Variants in EMCN observed in about 807,000 individuals in gnomAD.
The protein encoded by EMCN is endomucin, also known as MUC-14.
Under a neutral mutation model 38.4 loss-of-function variants are expected in EMCN, and 37 were observed. The observed-to-expected ratio is 0.96, with a 90% CI of 0.74 to 1.27. The LOEUF (loss-of-function observed/expected upper bound fraction) is 1.27, where lower values mean the gene tolerates loss of function less well. Ranked by LOEUF, EMCN falls within the 50% of genes most tolerant of loss-of-function variation. The pLI is 0.00. For missense variants in EMCN, 318 were observed against 302.8 expected, an observed-to-expected ratio of 1.05 and a Z score of -0.37; for synonymous variants, 95 against 100.8, an observed-to-expected ratio of 0.94 and a Z score of 0.35.
chr4:100,500,880 CT>C (rs1489749423), intron 1 of EMCN, among the ~76,000 whole-genome samples: 1 of 151,844 alleles, frequency 6.6e-6, no homozygotes, highest in Non-Finnish European at 1.5e-5. Flanking sequence ...AAGGAAAGTA[CT>C]TACTTAAGTC....
intron 1 of EMCN, among the ~76,000 whole-genome samples, chr4:100,507,435 A>C (rs1729512646): frequency 6.6e-6 from 1 of 152,174 alleles, no homozygotes; most frequent in South Asian, 2.1e-4. Flanking sequence ...CTAGACTCTA[A>C]CACTTTCCTA....
intron 1 of EMCN, among the ~76,000 whole-genome samples, chr4:100,493,824 C>G (rs1213684067): frequency 6.6e-6 from 1 of 152,150 alleles, no homozygotes. Context: ...TAAATTCACT[C>G]AAGTCTTCAT....
Position 100,442,694 on chromosome 4 carries a change from C to A in EMCN, c.415+4839G>T, listed in dbSNP as rs577927672. Among the ~76,000 whole-genome samples the A allele has an allele frequency of 2.0e-5, 3 of 152,022 alleles. No individual in the cohort carries two copies. The South Asian group carries it at 6.2e-4, about 32-fold the overall frequency. ...AATTTTTTATTTCATTGATTGAATT[C>A]TTCAGCTTCAAGATTTCTGTTTGGT... On this transcript the variant is annotated intron_variant, in intron 5 of 11. Coordinates refer to ENST00000296420, the MANE Select transcript of EMCN (RefSeq NM_016242.4).
chr4:100,436,229 A>G (rs1337077653), intron 5 of EMCN, among the ~76,000 whole-genome samples: 5 of 152,248 alleles, frequency 3.3e-5, no homozygotes, highest in African/African-American at 1.2e-4. Flanking sequence ...GCTTCTCAAA[A>G]GAAGACATTC....
At chr4:100,500,836 C>T (rs940641051) in intron 1 of EMCN, among the ~76,000 whole-genome samples, 1 of 152,004 alleles carries the variant, frequency 6.6e-6, no homozygotes, top group Non-Finnish European at 1.5e-5. Flanking sequence ...AAAAGTTCTG[C>T]TAAAAACATA....
chr4:100,403,243 C>T (rs111558569), intron 11 of EMCN, among the ~76,000 whole-genome samples: 3,335 of 152,086 alleles, frequency 0.022, 129 homozygotes, highest in African/African-American at 0.076. Context: ...TCTTGTTCCC[C>T]GCTTTGTGCC....
At chr4:100,412,087 AT>A (rs1726578836) in intron 10 of EMCN, among the ~76,000 whole-genome samples, 1 of 152,148 alleles carries the variant, frequency 6.6e-6, no homozygotes, top group African/African-American at 2.4e-5. Flanking sequence ...TGTAATTACC[AT>A]TAGAGGGGTA....
chr4:100,400,047 G>A (rs1454413622), intron 11 of EMCN, among the ~76,000 whole-genome samples: 3 of 151,986 alleles, frequency 2.0e-5, no homozygotes, highest in African/African-American at 7.3e-5. Flanking sequence ...GATTTATCTT[G>A]GGAAACAAGG....
chr4:100,480,064 T>A, intron 1 of EMCN, 25 bp from the exon 2 acceptor site: 2 of 1,597,112 alleles, frequency 1.3e-6, no homozygotes, highest in Non-Finnish European at 1.7e-6. Context: ...GTAGTTGCAT[T>A]AACATTTACA....
chr4:100,484,095 C>G (rs1369935488), intron 1 of EMCN, among the ~76,000 whole-genome samples: 4 of 152,106 alleles, frequency 2.6e-5, no homozygotes, highest in African/African-American at 9.7e-5. Context: ...TCCTGTACTA[C>G]AAAGGATGAA....
intron 11 of EMCN, among the ~76,000 whole-genome samples, chr4:100,403,746 A>G (rs1282690230): frequency 6.6e-6 from 1 of 151,894 alleles, no homozygotes; most frequent in African/African-American, 2.4e-5. Context: ...TGACTTCTTG[A>G]CTTTTTAATG....
intron 5 of EMCN, among the ~76,000 whole-genome samples, chr4:100,442,989 A>G (rs1271784785): frequency 6.6e-6 from 1 of 152,162 alleles, no homozygotes; most frequent in Non-Finnish European, 1.5e-5. Context: ...AGCTGGCATT[A>G]CAGGTGTGTG....
chr4:100,442,369 G>A (rs1727546487), intron 5 of EMCN, among the ~76,000 whole-genome samples: 1 of 152,156 alleles, frequency 6.6e-6, no homozygotes, highest in Non-Finnish European at 1.5e-5. Flanking sequence ...CCTTAGAGAG[G>A]ATCTCTTTGG....
At chr4:100,414,348 C>CTTTTTT (rs5860622) in intron 10 of EMCN, among the ~76,000 whole-genome samples, 2 of 59,810 alleles carry the variant, frequency 3.3e-5, no homozygotes, top group African/African-American at 6.8e-5. Flanking sequence ...TGCTTGAGCA[C>CTTTTTT]TTTTTTTTTT....
intron 1 of EMCN, among the ~76,000 whole-genome samples, chr4:100,501,908 C>T (rs1221820362): frequency 6.6e-6 from 1 of 151,260 alleles, no homozygotes; most frequent in African/African-American, 2.4e-5. Context: ...ATCATGTTTA[C>T]ATGGTGTCAT....
intron 4 of EMCN, among the ~76,000 whole-genome samples, 196 bp downstream of exon 4, chr4:100,465,227 C>G (rs1314918601): frequency 6.6e-6 from 1 of 152,094 alleles, no homozygotes; most frequent in Non-Finnish European, 1.5e-5. Flanking sequence ...CCTTGTGACC[C>G]ATTCCTTTGT....
At chr4:100,440,790 T>C (rs1727491907) in intron 5 of EMCN, among the ~76,000 whole-genome samples, 2 of 152,032 alleles carry the variant, frequency 1.3e-5, no homozygotes, top group African/African-American at 4.8e-5. Flanking sequence ...CATCTAGCAG[T>C]GGGATTGCTG....
intron 10 of EMCN, 96 bp from the exon 11 acceptor site, chr4:100,410,451 T>A (rs1451820961): frequency 1.6e-6 from 2 of 1,234,244 alleles, no homozygotes; most frequent in Admixed American, 4.0e-5. Flanking sequence ...CAAGGAAAGT[T>A]CAACTTTCCT....
chr4:100,491,052 C>T (rs970625057), intron 1 of EMCN, among the ~76,000 whole-genome samples: 2 of 151,716 alleles, frequency 1.3e-5, no homozygotes, highest in African/African-American at 2.4e-5. Context: ...CTTATATATT[C>T]TGGATACTCT....
Sources: gnomAD v4.1 joint callset for allele counts (sites outside exome capture counted in the v4.1 genomes callset) on GRCh38, gnomAD v4.1.1 for gene constraint, MANE v1.5 for transcripts, NCBI Gene and HGNC (gene_info 2026-07-23, HGNC 2026-07-21) for gene names.